Variants in CLSTN2 observed in about 807,000 individuals in gnomAD.
The protein encoded by CLSTN2 is calsyntenin 2.
A neutral mutation model predicts 101.2 loss-of-function variants in CLSTN2; 48 were observed. The observed-to-expected ratio is 0.47, with a 90% confidence interval of 0.38 to 0.60. The LOEUF (loss-of-function observed/expected upper bound fraction) is 0.60. Ranked by LOEUF, CLSTN2 falls within the 20% of genes least tolerant of loss-of-function variation. The pLI, the probability that CLSTN2 is intolerant of heterozygous loss-of-function variation, is 0.00. For synonymous variants in CLSTN2, 481 were observed against 463.6 expected, an observed-to-expected ratio of 1.04 and a Z score of -0.48; for missense variants, 1,160 against 1,238.2, an observed-to-expected ratio of 0.94 and a Z score of 0.95.
At position 140,265,225 on chromosome 3, in the gene CLSTN2, C is replaced by T. The variant is rs531320704; in HGVS notation, c.232+89152C>T. 2.0e-5 allele frequency among the ~76,000 whole-genome samples: 3 copies of T among 152,266 alleles called. No individual in the cohort carries two copies. The East Asian group carries it at 5.8e-4, about 29-fold the overall frequency. The stretch of plus-strand genomic sequence containing the variant: ...GCCCTCAACCATGCATCTACACTGC[C>T]CTTTATGGCTGGGGAGACAGATGTG... On this transcript the variant is annotated intron_variant, in intron 2 of 16. Coordinates refer to ENST00000458420, the MANE Select transcript of CLSTN2 (RefSeq NM_022131.3).
chr3:140,362,996 T>A (rs1010870314), intron 2 of CLSTN2, among the ~76,000 whole-genome samples: 8 of 152,072 alleles, frequency 5.3e-5, no homozygotes, highest in African/African-American at 1.9e-4. Context: ...TCTAAGGATA[T>A]GAAAAATACA....
rs1011781811 is a variant in CLSTN2 at position 140,566,475 on chromosome 3, G to A, written c.*222G>A. 8.7e-6 allele frequency: 5 copies of A among 577,710 alleles called. No homozygotes were observed. The highest frequency in any genetic ancestry group is 1.2e-5 in the Non-Finnish European group (4 of 323,660). The allele number at this position is 577,710 out of a possible 1,614,324, so 35.8% of individuals were successfully genotyped here. A position where few individuals can be genotyped will look rare whatever the true frequency, so the allele number is the denominator to read the frequency against. ...GGCCATCAGTGAGGACTTCAGGGTA[G>A]ACTTTGTCCTGTAGCCTCCACTTCT... On this transcript the variant is annotated 3_prime_UTR_variant, in exon 17 of 17. Coordinates refer to ENST00000458420, the MANE Select transcript of CLSTN2 (RefSeq NM_022131.3).
intron 2 of CLSTN2, among the ~76,000 whole-genome samples, chr3:140,194,283 C>T (rs2010613350): frequency 6.6e-6 from 1 of 152,058 alleles, no homozygotes; most frequent in South Asian, 2.1e-4. Flanking sequence ...TCACTGTGTC[C>T]TTACATGGTG....
At position 139,935,786 on chromosome 3, in the gene CLSTN2, C is replaced by T. The variant is rs1037785557; in HGVS notation, c.109+303C>T. 1.3e-5 allele frequency among the ~76,000 whole-genome samples: 2 copies of T among 152,004 alleles called. No homozygotes were observed. Among genetic ancestry groups the T allele is most frequent in the African/African-American group, 2.4e-5 (1 of 41,406 alleles). ...GGGTGGGAGCGCAGTGGGTGAGTTT[C>T]GAGCTCTGGCCCAGGGACGGCTAGA... On this transcript the variant is annotated intron_variant, in intron 1 of 16. Transcript: ENST00000458420. The surrounding 1 kb of genome is among the most constrained non-coding windows in gnomAD (Gnocchi z 5.5).
At position 140,113,087 on chromosome 3, in the gene CLSTN2, T is replaced by C. The variant is rs149706667; in HGVS notation, c.110-62864T>C. 2.2e-3 allele frequency among the ~76,000 whole-genome samples: 336 copies of C among 152,242 alleles called. 3 individuals are homozygous for C. Among genetic ancestry groups the C allele is most frequent in the African/African-American group, 7.7e-3 (321 of 41,554 alleles). On this transcript the variant is annotated intron_variant, in intron 1 of 16. Transcript: ENST00000458420. ...ATTGTTAAATACTCTGATTGGTTTT[T>C]TGAGCCAGTTGTTAAACTGTTAGTG...
chr3:140,044,979 G>T (rs1334293277), intron 1 of CLSTN2, among the ~76,000 whole-genome samples: 1 of 152,188 alleles, frequency 6.6e-6, no homozygotes, highest in African/African-American at 2.4e-5. Context: ...AGGGATATTG[G>T]TCTAAAATTA....
At chr3:140,082,587 C>G (rs1007955537) in intron 1 of CLSTN2, among the ~76,000 whole-genome samples, 2 of 152,160 alleles carry the variant, frequency 1.3e-5, no homozygotes, top group African/African-American at 2.4e-5. Context: ...CTAATGCTCC[C>G]CCATACACCC....
At chr3:140,227,713 T>C (rs966673909) in intron 2 of CLSTN2, among the ~76,000 whole-genome samples, 1 of 152,250 alleles carries the variant, frequency 6.6e-6, no homozygotes, top group African/African-American at 2.4e-5. Flanking sequence ...TCCATGCATC[T>C]TCTAAAGTCT....
At chr3:140,209,889 T>G (rs1329654750) in intron 2 of CLSTN2, among the ~76,000 whole-genome samples, 1 of 152,114 alleles carries the variant, frequency 6.6e-6, no homozygotes, top group African/African-American at 2.4e-5. Context: ...AAGCTTAGAT[T>G]TCAAGGACTT....
intron 2 of CLSTN2, among the ~76,000 whole-genome samples, chr3:140,228,934 C>T (rs1359714232): frequency 1.3e-5 from 2 of 152,164 alleles, no homozygotes; most frequent in Non-Finnish European, 2.9e-5. Flanking sequence ...GGAATACAGC[C>T]AAACCATATC....
intron 1 of CLSTN2, among the ~76,000 whole-genome samples, chr3:140,122,843 C>T (rs2009365982): frequency 6.6e-6 from 1 of 152,086 alleles, no homozygotes; most frequent in Non-Finnish European, 1.5e-5. Flanking sequence ...TTTTCCTTTA[C>T]TTCTTTTATA....
intron 1 of CLSTN2, among the ~76,000 whole-genome samples, chr3:139,985,779 A>G (rs1346606868): frequency 1.3e-5 from 2 of 152,182 alleles, no homozygotes; most frequent in African/African-American, 2.4e-5. Context: ...GGTTCAGTTT[A>G]TGTTATCCAG....
chr3:140,056,427 G>A (rs1032535029), intron 1 of CLSTN2, among the ~76,000 whole-genome samples: 3 of 152,180 alleles, frequency 2.0e-5, no homozygotes, highest in Non-Finnish European at 4.4e-5. Flanking sequence ...CATAAACCAT[G>A]CCCCACTGGG....
At chr3:140,139,856 C>T (rs943087527) in intron 1 of CLSTN2, among the ~76,000 whole-genome samples, 2 of 152,162 alleles carry the variant, frequency 1.3e-5, no homozygotes, top group African/African-American at 4.8e-5. Flanking sequence ...CCCAAATGAT[C>T]TTGGTTATAT....
At chr3:140,255,456 A>G (rs2086596802) in intron 2 of CLSTN2, among the ~76,000 whole-genome samples, 1 of 152,238 alleles carries the variant, frequency 6.6e-6, no homozygotes, top group African/African-American at 2.4e-5. Context: ...ACACAGAGGA[A>G]TACTTCACAG....
At chr3:140,370,330 G>A (rs959873612) in intron 2 of CLSTN2, among the ~76,000 whole-genome samples, 2 of 152,230 alleles carry the variant, frequency 1.3e-5, no homozygotes, top group African/African-American at 4.8e-5. Context: ...ATAGTCATGG[G>A]ATTGAAGTAC....
At chr3:140,226,688 C>A (rs967312029) in intron 2 of CLSTN2, among the ~76,000 whole-genome samples, 3 of 152,150 alleles carry the variant, frequency 2.0e-5, no homozygotes, top group African/African-American at 7.2e-5. Flanking sequence ...AGTCCATTTT[C>A]ATGCTGCTGA....
chr3:140,326,746 G>T (rs188296371), intron 2 of CLSTN2, among the ~76,000 whole-genome samples: 1 of 152,086 alleles, frequency 6.6e-6, no homozygotes, highest in Non-Finnish European at 1.5e-5. Context: ...GCTTAGGGTC[G>T]GACTGTAATC....
At chr3:140,091,051 C>A (rs559968059) in intron 1 of CLSTN2, among the ~76,000 whole-genome samples, 18 of 152,254 alleles carry the variant, frequency 1.2e-4, no homozygotes, top group African/African-American at 4.3e-4. Context: ...CTGTCGACAA[C>A]TGTGTCCCCT....
Sources: gnomAD v4.1 joint callset for allele counts (sites outside exome capture counted in the v4.1 genomes callset) on GRCh38, gnomAD v4.1.1 for gene constraint, Gnocchi (gnomAD v3.1) non-coding constraint, MANE v1.5 for transcripts, NCBI Gene and HGNC (gene_info 2026-07-23, HGNC 2026-07-21) for gene names.